PRDM10: variants seen among roughly 807,000 people sequenced by gnomAD.
PRDM10 encodes PR/SET domain 10.
In PRDM10, 65 loss-of-function variants were observed where a neutral mutation model predicts 133.1. The ratio of observed to expected loss-of-function variants is 0.49; its 90% CI spans 0.40 to 0.60. PRDM10 has a LOEUF of 0.60. Ranked by LOEUF, PRDM10 falls within the 20% of genes least tolerant of loss-of-function variation. The pLI is 0.00. For synonymous variants in PRDM10, 582 were observed against 580.4 expected (o/e 1.00, Z -0.04); for missense variants, 1,137 against 1,507.1 (o/e 0.75, Z 4.07).
chr11:129,919,616 C>G (rs1950462951), intron 13 of PRDM10, among the ~76,000 whole-genome samples: 1 of 152,072 alleles, frequency 6.6e-6, no homozygotes, highest in African/African-American at 2.4e-5. Context: ...TCAGGCAGAG[C>G]CCATCCTGAA....
At chr11:129,995,283 TG>T (rs1162770431) in intron 1 of PRDM10, among the ~76,000 whole-genome samples, 1 of 152,218 alleles carries the variant, frequency 6.6e-6, no homozygotes, top group Admixed American at 6.5e-5. Context: ...ATCCCCTGCC[TG>T]GGGCTGAGGA....
rs77761712 is a variant in PRDM10 at position 129,915,169 on chromosome 11, G to A, written c.2527-151C>T. 5.2e-3 allele frequency: 4,171 copies of A among 801,964 alleles called. 144 individuals are homozygous for A. In the African/African-American group the frequency reaches 0.066, roughly 13 times the overall value. The allele number at this position is 801,964 out of a possible 1,614,324, so 49.7% of individuals were successfully genotyped here. ...CACTGACTCTATGCCTGTACTTCCT[G>A]GGGTAACATAATGCTATGAAAGCAG... On this transcript the variant is annotated intron_variant, in intron 16 of 20. Transcript: ENST00000360871.
chr11:129,989,082 A>C (rs1938589909), intron 1 of PRDM10, among the ~76,000 whole-genome samples: 1 of 152,200 alleles, frequency 6.6e-6, no homozygotes, highest in Non-Finnish European at 1.5e-5. Context: ...AACTTTATTC[A>C]ATTGGTCTAC....
At chr11:129,975,180 A>G (rs895848752) in intron 1 of PRDM10, among the ~76,000 whole-genome samples, 1 of 152,176 alleles carries the variant, frequency 6.6e-6, no homozygotes, top group African/African-American at 2.4e-5. Context: ...TAATCCCAGC[A>G]CTTTGGGAGG....
chr11:129,971,773 A>C (rs992462009), intron 1 of PRDM10, among the ~76,000 whole-genome samples: 3 of 152,236 alleles, frequency 2.0e-5, no homozygotes, highest in African/African-American at 7.2e-5. Context: ...GGCTTCACCC[A>C]GTGGATCCCG....
At chr11:129,946,588 GC>G (rs1951419535) in intron 5 of PRDM10, among the ~76,000 whole-genome samples, 1 of 152,186 alleles carries the variant, frequency 6.6e-6, no homozygotes, top group Non-Finnish European at 1.5e-5. Context: ...CAAGGGCGCT[GC>G]CGAGGGGCCA....
chr11:129,968,594 C>A (rs1199737991), intron 1 of PRDM10, among the ~76,000 whole-genome samples: 1 of 151,164 alleles, frequency 6.6e-6, no homozygotes, highest in Non-Finnish European at 1.5e-5. Flanking sequence ...CCGCCACCCA[C>A]CCCGCAATCC....
In PRDM10 at chr11:129,947,908, A is replaced by G. The variant is rs1305011040; in HGVS notation, c.295-538T>C. The G allele has an allele frequency of 2.6e-6, 1 of 387,262 alleles. No individual in the cohort carries two copies. The highest frequency in any genetic ancestry group is 5.1e-6 in the Non-Finnish European group (1 of 196,096). The allele number at this position is 387,262 out of a possible 1,614,324, so 24.0% of individuals were successfully genotyped here. A position where few individuals can be genotyped will look rare whatever the true frequency, so the allele number is the denominator to read the frequency against. ...TCCCTCTTGCCTTTCCAGAGTAGCCATACCACACTGGAGGGGGTAAATGAG... is the reference window on the plus strand; with the variant it reads ...TCCCTCTTGCCTTTCCAGAGTAGCCGTACCACACTGGAGGGGGTAAATGAG... On this transcript the variant is annotated intron_variant, in intron 4 of 20. Coordinates refer to ENST00000360871, the MANE Select transcript of PRDM10 (RefSeq NM_199437.2). The surrounding 1 kb of genome is among the most constrained non-coding windows in gnomAD (Gnocchi z 4.6).
chr11:129,919,273 A>G (rs1484798178), intron 13 of PRDM10, among the ~76,000 whole-genome samples: 1 of 152,198 alleles, frequency 6.6e-6, no homozygotes, highest in East Asian at 1.9e-4. Flanking sequence ...AGGCTGAGGC[A>G]GGAGAATCAC....
intron 9 of PRDM10, among the ~76,000 whole-genome samples, chr11:129,934,047 C>T (rs1224771066): frequency 6.6e-6 from 1 of 152,222 alleles, no homozygotes; most frequent in East Asian, 1.9e-4. Context: ...ACAGCATACG[C>T]TCCAAGGTCA....
At chr11:129,974,328 G>A (rs1280218633) in intron 1 of PRDM10, among the ~76,000 whole-genome samples, 1 of 152,104 alleles carries the variant, frequency 6.6e-6, no homozygotes, top group African/African-American at 2.4e-5. Context: ...AAAGGAAAGA[G>A]AAGAAAAGAG....
chr11:129,909,400 C>T (rs187331821), intron 19 of PRDM10, among the ~76,000 whole-genome samples: 3 of 150,870 alleles, frequency 2.0e-5, no homozygotes, highest in Non-Finnish European at 3.0e-5. Context: ...CAGTGAGCCG[C>T]GATTGTGCCA....
chr11:129,997,596 G>GT (rs1354528582), intron 1 of PRDM10, among the ~76,000 whole-genome samples: 4 of 149,292 alleles, frequency 2.7e-5, no homozygotes, highest in East Asian at 1.9e-4. Flanking sequence ...AGAAAAAAAT[G>GT]TAAGTTCAAT....
chr11:129,978,061 A>C (rs1298458508), intron 1 of PRDM10, among the ~76,000 whole-genome samples: 1 of 151,914 alleles, frequency 6.6e-6, no homozygotes, highest in Non-Finnish European at 1.5e-5. Context: ...TAAGCCTTTG[A>C]TTAGGTTCCA....
chr11:129,929,639 T>C (rs1168184612), intron 11 of PRDM10, among the ~76,000 whole-genome samples: 1 of 152,052 alleles, frequency 6.6e-6, no homozygotes, highest in Non-Finnish European at 1.5e-5. Flanking sequence ...ACAAGGAACC[T>C]TGCACCAAAA....
At chr11:129,994,435 C>T (rs1274097377) in intron 1 of PRDM10, among the ~76,000 whole-genome samples, 19 of 145,380 alleles carry the variant, frequency 1.3e-4, no homozygotes, top group Admixed American at 3.5e-4. Flanking sequence ...CACTGCACTC[C>T]AGCCTAGGTG....
chr11:129,990,522 C>CAAAAAAA (rs59217112), intron 1 of PRDM10, among the ~76,000 whole-genome samples: 4 of 67,070 alleles, frequency 6.0e-5, no homozygotes, highest in Non-Finnish European at 9.7e-5. Context: ...ACTTTGTCTC[C>CAAAAAAA]AAAAAAAAAA....
At chr11:129,993,523 C>T (rs181255104) in intron 1 of PRDM10, among the ~76,000 whole-genome samples, 5 of 152,048 alleles carry the variant, frequency 3.3e-5, no homozygotes, top group Non-Finnish European at 5.9e-5. Flanking sequence ...CTCGTTGTGT[C>T]GCCCAGGCTG....
intron 1 of PRDM10, among the ~76,000 whole-genome samples, chr11:129,963,996 C>T (rs1340421499): frequency 6.6e-6 from 1 of 152,154 alleles, no homozygotes. Context: ...GTGAAATGCA[C>T]AGGTCATTTA....
Sources: gnomAD v4.1 joint callset for allele counts (sites outside exome capture counted in the v4.1 genomes callset) on GRCh38, gnomAD v4.1.1 for gene constraint, Gnocchi (gnomAD v3.1) non-coding constraint, MANE v1.5 for transcripts, NCBI Gene and HGNC (gene_info 2026-07-23, HGNC 2026-07-21) for gene names.